ERC2: variants seen among roughly 807,000 people sequenced by gnomAD.
ERC2 encodes the protein ERC protein 2.
ERC2 carries 42 observed loss-of-function variants against 114.8 expected under a neutral mutation model. The observed-to-expected ratio is 0.37, with a 90% confidence interval of 0.29 to 0.47. ERC2 has a LOEUF of 0.47. Ranked by LOEUF, ERC2 falls within the 20% of genes least tolerant of loss-of-function variation. The probability of loss-of-function intolerance (pLI) is 0.99; values close to 1 mark genes in which losing one functional copy is unlikely to be tolerated. For missense variants in ERC2, 939 were observed against 1,150.7 expected (o/e 0.82, Z 2.66); for synonymous variants, 454 against 425.5 (o/e 1.07, Z -0.82).
chr3:56,193,191 A>C (rs1405459438), intron 3 of ERC2, among the ~76,000 whole-genome samples: 1 of 152,208 alleles, frequency 6.6e-6, no homozygotes, highest in Non-Finnish European at 1.5e-5. Flanking sequence ...TTTAATAAGA[A>C]AATATAAACC....
chr3:55,755,078 ATCT>A (rs538987599), intron 14 of ERC2, among the ~76,000 whole-genome samples: 5 of 147,466 alleles, frequency 3.4e-5, no homozygotes, highest in Non-Finnish European at 7.5e-5. Context: ...TTGGCTATTC[ATCT>A]TCTTTTTTTT....
chr3:56,170,545 G>C (rs186383321), intron 4 of ERC2, among the ~76,000 whole-genome samples: 8 of 149,658 alleles, frequency 5.3e-5, no homozygotes, highest in Admixed American at 2.7e-4. Context: ...AACAAATAGG[G>C]ATAATCTCTG....
At chr3:55,759,330 G>C in intron 14 of ERC2, among the ~76,000 whole-genome samples, 1 of 151,858 alleles carries the variant, frequency 6.6e-6, no homozygotes, top group East Asian at 1.9e-4. Context: ...TAATATGACT[G>C]CTCCACAGTT....
chr3:55,721,964 G>A (rs1297768197), intron 15 of ERC2, among the ~76,000 whole-genome samples: 1 of 152,204 alleles, frequency 6.6e-6, no homozygotes, highest in Non-Finnish European at 1.5e-5. Context: ...TAAGCCAGCT[G>A]CAAGATAATC....
intron 1 of ERC2, 99 bp from the exon 2 acceptor site, chr3:56,435,246 G>T (rs1005556414): frequency 1.8e-5 from 7 of 389,184 alleles, no homozygotes; most frequent in Non-Finnish European, 2.8e-5. Flanking sequence ...ATGTACCTAT[G>T]TAGATAGGTG....
intron 14 of ERC2, among the ~76,000 whole-genome samples, chr3:55,872,052 A>C (rs1361958633): frequency 6.6e-6 from 1 of 152,224 alleles, no homozygotes; most frequent in Non-Finnish European, 1.5e-5. Flanking sequence ...AATAGAAAGG[A>C]AACAGACTGG....
chr3:55,811,630 A>T (rs1008798331), intron 14 of ERC2, among the ~76,000 whole-genome samples: 4 of 152,122 alleles, frequency 2.6e-5, no homozygotes, highest in African/African-American at 9.7e-5. Context: ...ACTGCCAGGG[A>T]TACTGGTCTT....
At chr3:56,042,458 C>T (rs2075245080) in intron 7 of ERC2, among the ~76,000 whole-genome samples, 2 of 152,064 alleles carry the variant, frequency 1.3e-5, no homozygotes, top group African/African-American at 2.4e-5. Flanking sequence ...GTGAACCAGC[C>T]GTTTAAAACA....
chr3:55,615,858 T>G (rs774951722), intron 17 of ERC2, among the ~76,000 whole-genome samples: 24 of 152,200 alleles, frequency 1.6e-4, no homozygotes, highest in Admixed American at 1.5e-3. Context: ...GCCGAGCCAT[T>G]TGGCCGGAGG....
At chr3:56,422,382 T>C (rs2061419649) in intron 2 of ERC2, among the ~76,000 whole-genome samples, 1 of 152,146 alleles carries the variant, frequency 6.6e-6, no homozygotes, top group Non-Finnish European at 1.5e-5. Flanking sequence ...CTTTGCCACC[T>C]GTGGTTTTAA....
At chr3:56,407,768 G>C (rs957346630) in intron 2 of ERC2, among the ~76,000 whole-genome samples, 4 of 152,100 alleles carry the variant, frequency 2.6e-5, no homozygotes, top group African/African-American at 7.2e-5. Flanking sequence ...CAGAATCTCT[G>C]ATGATGGGCC....
chr3:56,011,224 A>G (rs1303914327), intron 8 of ERC2, among the ~76,000 whole-genome samples: 1 of 152,232 alleles, frequency 6.6e-6, no homozygotes, highest in Non-Finnish European at 1.5e-5. Flanking sequence ...CAGAGAATCC[A>G]AAACACTGGC....
At chr3:56,024,276 G>T (rs2073911292) in intron 7 of ERC2, among the ~76,000 whole-genome samples, 1 of 152,206 alleles carries the variant, frequency 6.6e-6, no homozygotes. Flanking sequence ...AAACACTGTT[G>T]CCCCAACTGC....
At chr3:55,538,444 C>G (rs375567916) in intron 17 of ERC2, among the ~76,000 whole-genome samples, 11 of 152,328 alleles carry the variant, frequency 7.2e-5, no homozygotes, top group Admixed American at 7.2e-4. Context: ...ACTCGGATGC[C>G]GAGAAGGTGC....
In ERC2 at chr3:56,361,560, T is replaced by C. The variant is rs138571566; in HGVS notation, c.658-65125A>G. On this transcript the variant is annotated intron_variant, in intron 2 of 17. Coordinates refer to ENST00000288221, the MANE Select transcript of ERC2 (RefSeq NM_015576.3). The stretch of plus-strand genomic sequence containing the variant: ...GGTCAAGACTCAATATTCTATGTTT[T>C]AAGGGGAGCTGCACTAAGAGGGGTA... 7.9e-5 allele frequency among the ~76,000 whole-genome samples: 12 copies of C among 152,286 alleles called. No individual in the cohort carries two copies. The East Asian group carries it at 2.3e-3, about 29-fold the overall frequency.
Position 56,010,525 on chromosome 3 carries a change from A to G in ERC2, c.1844T>C (p.Ile615Thr), listed in dbSNP as rs767949323. 1 of 1,613,550 alleles carries G rather than the reference A, an allele frequency of 6.2e-7. No individual in the cohort carries two copies. Among genetic ancestry groups the G allele is most frequent in the African/African-American group, 1.3e-5 (1 of 74,900 alleles). Reference protein sequence around the residue: ...ERDDRERLEEIESFRKENKDL... With the variant: ...ERDDRERLEETESFRKENKDL... The stretch of plus-strand genomic sequence containing the variant: ...TTTGTTCTCTTTTCGGAAGGATTCT[A>G]TCTCTTCTAGTCTTTCCCGATCATC... Residue 615 changes from isoleucine (I) to threonine (T), a missense_variant, in exon 9 of 18, where the codon ATA (isoleucine) becomes ACA (threonine). Around this residue, in one of 5 missense-constraint regions of ERC2, gnomAD observed 149 missense variants for 254.6 expected, o/e 0.59. Transcript: ENST00000288221.
At chr3:55,625,201 T>G (rs748102402) in intron 17 of ERC2, among the ~76,000 whole-genome samples, 2 of 151,506 alleles carry the variant, frequency 1.3e-5, no homozygotes, top group African/African-American at 4.9e-5. Context: ...ACCCCATCTC[T>G]ACTAAAAATA....
intron 12 of ERC2, among the ~76,000 whole-genome samples, chr3:55,980,292 G>A (rs1049604017): frequency 5.9e-5 from 9 of 151,798 alleles, no homozygotes; most frequent in Admixed American, 3.9e-4. Context: ...AAAAAATGTC[G>A]AAAGCATTTG....
chr3:56,193,078 G>A (rs1318368102), intron 3 of ERC2, among the ~76,000 whole-genome samples: 2 of 152,184 alleles, frequency 1.3e-5, no homozygotes, highest in African/African-American at 2.4e-5. Flanking sequence ...TAGATTGGCA[G>A]CCTATATTAA....
Sources: gnomAD v4.1 joint callset for allele counts (sites outside exome capture counted in the v4.1 genomes callset) on GRCh38, gnomAD v4.1.1 for gene constraint, gnomAD v4.1.1 regional missense constraint, MANE v1.5 for transcripts, NCBI Gene and HGNC (gene_info 2026-07-23, HGNC 2026-07-21) for gene names.